Variants in IGF2BP2 observed in about 807,000 individuals in gnomAD.
The protein encoded by IGF2BP2 is insulin like growth factor 2 mRNA binding protein 2, also known as insulin-like growth factor 2 mRNA-binding protein 2.
Under a neutral mutation model 75.8 loss-of-function variants are expected in IGF2BP2, and 17 were observed. The observed-to-expected ratio is 0.22, with a 90% CI of 0.15 to 0.34. IGF2BP2 has a LOEUF of 0.34. Ranked by LOEUF, IGF2BP2 falls within the 10% of genes least tolerant of loss-of-function variation. The pLI is 1.00. For missense variants in IGF2BP2, 516 were observed against 772.4 expected (o/e 0.67, Z 3.93); for synonymous variants, 288 against 295.6 (o/e 0.97, Z 0.26).
chr3:185,666,934 TTTTC>T (rs1265757230), intron 10 of IGF2BP2, among the ~76,000 whole-genome samples: 2 of 152,238 alleles, frequency 1.3e-5, no homozygotes, highest in Non-Finnish European at 2.9e-5. Flanking sequence ...AATTCCAATC[TTTTC>T]TTTGATTTTC....
At chr3:185,739,036 T>C (rs1378651222) in intron 2 of IGF2BP2, among the ~76,000 whole-genome samples, 1 of 152,196 alleles carries the variant, frequency 6.6e-6, no homozygotes, top group Non-Finnish European at 1.5e-5. Context: ...TGACATCAGA[T>C]CAATTTTCAA....
At chr3:185,822,989 G>GT (rs1741555839) in intron 2 of IGF2BP2, among the ~76,000 whole-genome samples, 164 bp downstream of exon 2, 1 of 145,270 alleles carries the variant, frequency 6.9e-6, no homozygotes, top group African/African-American at 2.5e-5. Context: ...TATAATGAAA[G>GT]TAAAAAAAAA....
chr3:185,747,600 A>G (rs1730414666), intron 2 of IGF2BP2, among the ~76,000 whole-genome samples: 1 of 152,022 alleles, frequency 6.6e-6, no homozygotes, highest in East Asian at 1.9e-4. Context: ...AATCACTTGA[A>G]CCTGGGAGGT....
chr3:185,704,086 A>G (rs1401066014), intron 2 of IGF2BP2, among the ~76,000 whole-genome samples: 1 of 152,184 alleles, frequency 6.6e-6, no homozygotes, highest in African/African-American at 2.4e-5. Context: ...TTGGGGCTCC[A>G]TGCGGGATTC....
At chr3:185,681,690 C>G (rs1720410190) in intron 7 of IGF2BP2, among the ~76,000 whole-genome samples, 1 of 152,132 alleles carries the variant, frequency 6.6e-6, no homozygotes, top group Non-Finnish European at 1.5e-5. Flanking sequence ...GCTACATAAT[C>G]AAAACAGTGT....
intron 9 of IGF2BP2, chr3:185,675,051 A>AATT (rs1389470249): frequency 3.6e-6 from 1 of 278,620 alleles, no homozygotes; most frequent in Non-Finnish European, 6.5e-6. Context: ...TTTTCTTAAT[A>AATT]AACACTATAT....
chr3:185,710,314 G>A (rs1724622080), intron 2 of IGF2BP2, among the ~76,000 whole-genome samples: 1 of 152,104 alleles, frequency 6.6e-6, no homozygotes, highest in African/African-American at 2.4e-5. Context: ...GGTATTGTGT[G>A]CATAACAGCA....
At position 185,751,096 on chromosome 3, in the gene IGF2BP2, C is replaced by G. The variant is rs6769946; in HGVS notation, c.240-52749G>C. Among the ~76,000 whole-genome samples the G allele has an allele frequency of 3.3e-3, 504 of 152,100 alleles. 3 individuals carry two copies. The highest frequency in any genetic ancestry group is 6.2e-3 in the Non-Finnish European group (422 of 67,974). On this transcript the variant is annotated intron_variant, in intron 2 of 15. Transcript: ENST00000382199. ...GGCGTGATGGGGTGTGCCTGTACTC[C>G]CAGCTACTAGGGAGGCCAAGGCACA...
intron 2 of IGF2BP2, among the ~76,000 whole-genome samples, chr3:185,780,468 C>G (rs1319662758): frequency 6.6e-6 from 1 of 152,134 alleles, no homozygotes; most frequent in African/African-American, 2.4e-5. Context: ...ATTTAAAGAT[C>G]TTCAGCAAAC....
chr3:185,729,745 C>T (rs1727883504), intron 2 of IGF2BP2: 1 of 152,126 alleles, frequency 6.6e-6, no homozygotes, highest in Non-Finnish European at 1.5e-5. Flanking sequence ...GAAGAATATC[C>T]ATAATTATCT....
At chr3:185,687,783 C>A (rs1478219016) in intron 6 of IGF2BP2, among the ~76,000 whole-genome samples, 1 of 152,198 alleles carries the variant, frequency 6.6e-6, no homozygotes, top group Non-Finnish European at 1.5e-5. Context: ...GTGGTCCTAC[C>A]TGTTTTTGTT....
intron 7 of IGF2BP2, among the ~76,000 whole-genome samples, chr3:185,682,795 G>A (rs1720576019): frequency 6.6e-6 from 1 of 152,124 alleles, no homozygotes; most frequent in Admixed American, 6.5e-5. Flanking sequence ...AAAATAACAT[G>A]TGTTGGAGAG....
rs1178509891 is a variant in IGF2BP2 at position 185,647,990 on chromosome 3, T to G, written c.1594-852A>C. Among the ~76,000 whole-genome samples, 2 of 152,268 alleles carry G rather than the reference T, an allele frequency of 1.3e-5. No individual in the cohort carries two copies. Among genetic ancestry groups the G allele is most frequent in the Non-Finnish European group, 2.9e-5 (2 of 68,046 alleles). On this transcript the variant is annotated intron_variant, in intron 14 of 15. Transcript: ENST00000382199. The surrounding 1 kb of genome is among the most constrained non-coding windows in gnomAD (Gnocchi z 4.9). The stretch of plus-strand genomic sequence containing the variant: ...ACTCCCTGCTGATCCATCTGCTTTC[T>G]TTTGCCTCCTACATTCCAGCTCCGC...
chr3:185,737,463 G>C (rs1161488821), intron 2 of IGF2BP2, among the ~76,000 whole-genome samples: 1 of 152,006 alleles, frequency 6.6e-6, no homozygotes, highest in Non-Finnish European at 1.5e-5. Flanking sequence ...ACCTTTTTTG[G>C]CTTGATCAAA....
intron 10 of IGF2BP2, among the ~76,000 whole-genome samples, chr3:185,662,658 T>C (rs1716658312): frequency 6.7e-6 from 1 of 149,854 alleles, no homozygotes. Context: ...TTCTTCTGCC[T>C]CAGCCTCCTG....
intron 2 of IGF2BP2, among the ~76,000 whole-genome samples, chr3:185,757,487 CAG>C (rs1731783667): frequency 9.6e-6 from 1 of 104,346 alleles, no homozygotes; most frequent in Non-Finnish European, 1.8e-5. Context: ...TTTTTTGAGA[CAG>C]AGTTTTGCTC....
chr3:185,728,911 CTTGT>C (rs1253798276), intron 2 of IGF2BP2: 1 of 152,128 alleles, frequency 6.6e-6, no homozygotes, highest in Non-Finnish European at 1.5e-5. Flanking sequence ...TGTTATTTGC[CTTGT>C]TTATCGTGTT....
At chr3:185,675,557 T>C in intron 8 of IGF2BP2, 126 bp from the exon 9 acceptor site, 1 of 1,165,926 alleles carries the variant, frequency 8.6e-7, no homozygotes, top group Admixed American at 2.6e-5. Context: ...CAACACACTG[T>C]GGTGGAGAAT....
intron 2 of IGF2BP2, among the ~76,000 whole-genome samples, chr3:185,709,998 C>T (rs1184033730): frequency 6.6e-6 from 1 of 152,106 alleles, no homozygotes; most frequent in Admixed American, 6.6e-5. Context: ...ATAGGCTAAG[C>T]ACTTATGTTA....
Sources: allele counts gnomAD v4.1 joint callset (sites outside exome capture counted in the v4.1 genomes callset), GRCh38; gene constraint gnomAD v4.1.1; non-coding constraint Gnocchi (gnomAD v3.1); transcripts MANE v1.5; gene names NCBI Gene and HGNC (gene_info 2026-07-23, HGNC 2026-07-21).